Variants in PHKA2 observed in about 807,000 individuals in gnomAD.
PHKA2 encodes phosphorylase kinase regulatory subunit alpha 2, also known as phosphorylase b kinase regulatory subunit alpha, liver isoform.
In PHKA2, 31 loss-of-function variants were observed where a neutral mutation model predicts 102.0. The observed-to-expected ratio is 0.30, with a 90% CI of 0.23 to 0.41. The LOEUF (loss-of-function observed/expected upper bound fraction) is 0.41. PHKA2 is among the 10% of genes least tolerant of loss of function. PHKA2 has a pLI of 1.00. For missense variants in PHKA2, 858 were observed against 1,023.1 expected, an observed-to-expected ratio of 0.84 and a Z score of 2.20; for synonymous variants, 455 against 416.2, an observed-to-expected ratio of 1.09 and a Z score of -1.13.
At chrX:18,979,307 A>G (rs186989537) in intron 1 of PHKA2, among the ~76,000 whole-genome samples, 18 of 110,777 alleles carry the variant, frequency 1.6e-4, no homozygotes, top group Non-Finnish European at 3.4e-4. Context: ...TATTTATTCC[A>G]TTCTTCTCAT....
chrX:18,948,809 T>C lies in PHKA2; in HGVS notation c.472A>G (p.Thr158Ala), dbSNP rs142034171. Residue 158 changes from threonine to alanine, a missense_variant, in exon 5 of 33, where the codon ACT becomes GCT. Thr to Ala is a moderately conservative substitution (Grantham distance 58). Around this residue, in one of 2 missense-constraint regions of PHKA2, gnomAD observed 187 missense variants for 277.9 expected, o/e 0.67. Transcript: ENST00000379942. ...TGTATGAAGGCCACCTCATCGAGAG[T>C]GAAAATGATACGTAAGCCTAGCAAA... ...MTASGLRIIF[T>A]LDEVAFIQNL... 476 of 1,182,848 alleles carry C rather than the reference T, an allele frequency of 4.0e-4. 1 individual carries two copies. The African/African-American group carries it at 7.6e-3, about 19-fold the overall frequency.
At chrX:18,963,066 TG>T (rs1165777494) in intron 1 of PHKA2, among the ~76,000 whole-genome samples, 2 of 112,858 alleles carry the variant, frequency 1.8e-5, no homozygotes, top group Non-Finnish European at 3.7e-5. Flanking sequence ...GGTGTCCCCT[TG>T]GGCCCTTCGT....
chrX:18,905,890 A>C, intron 25 of PHKA2, 31 bp from the exon 26 acceptor site: 2 of 1,047,190 alleles, frequency 1.9e-6, no homozygotes, highest in Non-Finnish European at 2.7e-6. Flanking sequence ...AGTGTCCCAA[A>C]CACAGGGCTG....
chrX:18,894,239 C>T lies in PHKA2; in HGVS notation c.3502G>A (p.Val1168Met), dbSNP rs778628385. The change falls in exon 32 of 33, where the codon GTG (valine) becomes ATG (methionine). Residue 1168 changes from valine (V) to methionine (M), a missense_variant. Transcript: ENST00000379942. ...AAGAACAGCTGACTGGCCATCTGCA[C>T]GATCTGGTCCACGTGGATGATGCCC... ...IGGIIHVDQIVQMASQLFLQD... is the reference protein window; with the variant it reads ...IGGIIHVDQIMQMASQLFLQD... 1.3e-5 allele frequency: 16 copies of T among 1,210,534 alleles called. No homozygotes were observed. The highest frequency in any genetic ancestry group is 7.0e-5 in the South Asian group (4 of 56,855).
intron 8 of PHKA2, among the ~76,000 whole-genome samples, chrX:18,940,488 T>C (rs1157560219): frequency 9.0e-6 from 1 of 111,642 alleles, no homozygotes; most frequent in Non-Finnish European, 1.9e-5. Context: ...GGCTCTAAGG[T>C]CAGATGCACC....
chrX:18,928,261 A>C (rs983936836), intron 13 of PHKA2, among the ~76,000 whole-genome samples: 1 of 111,155 alleles, frequency 9.0e-6, no homozygotes, highest in South Asian at 3.8e-4. Context: ...CATCATCTCA[A>C]ACTTTACCTA....
At chrX:18,950,160 C>T (rs765286857) in intron 4 of PHKA2, among the ~76,000 whole-genome samples, 2 of 111,953 alleles carry the variant, frequency 1.8e-5, no homozygotes, top group East Asian at 2.8e-4. Context: ...CAAGGCACAC[C>T]GCCGACAAAC....
At position 18,894,229 on chromosome X, in the gene PHKA2, G is replaced by A; in HGVS notation, c.3512C>T (p.Ala1171Val). 8.3e-7 allele frequency: 1 copy of A among 1,211,354 alleles called. No individual in the cohort carries two copies. The highest frequency in any genetic ancestry group is 1.1e-6 in the Non-Finnish European group (1 of 895,111). ...IIHVDQIVQM[A>V]SQLFLQDQVS... The stretch of plus-strand genomic sequence containing the variant: ...CTGGTCCTGCAAGAACAGCTGACTG[G>A]CCATCTGCACGATCTGGTCCACGTG... The change falls in exon 32 of 33, where the codon GCC becomes GTC. Residue 1171 changes from alanine (A) to valine (V), a missense_variant. Ala to Val is a moderately conservative substitution (Grantham distance 64). This residue lies in a region of PHKA2 where 671 missense variants were observed against 745.2 expected (regional missense o/e 0.90). Coordinates refer to ENST00000379942, the MANE Select transcript of PHKA2 (RefSeq NM_000292.3).
At chrX:18,902,284 C>T (rs779752436) in intron 26 of PHKA2, among the ~76,000 whole-genome samples, 62 of 109,201 alleles carry the variant, frequency 5.7e-4, no homozygotes, top group African/African-American at 1.3e-3. Flanking sequence ...CACAGGTGTG[C>T]GCCACCATAC....
At chrX:18,897,756 C>A (rs751051067) in intron 29 of PHKA2, 2 of 157,381 alleles carry the variant, frequency 1.3e-5, no homozygotes, top group African/African-American at 6.0e-5. Context: ...GGGACACAGT[C>A]AGGCATCCTA....
At chrX:18,907,420 G>A (rs184917634) in intron 22 of PHKA2, among the ~76,000 whole-genome samples, 33 of 112,340 alleles carry the variant, frequency 2.9e-4, no homozygotes, top group African/African-American at 9.7e-4. Context: ...GGATGAGTCC[G>A]AAGATACCGA....
At position 18,901,540 on chromosome X, in the gene PHKA2, C is replaced by G. The variant is rs761088614; in HGVS notation, c.2972G>C (p.Gly991Ala). The G allele has an allele frequency of 8.0e-5, 96 of 1,207,457 alleles. 1 individual carries two copies. In the East Asian group the frequency reaches 2.8e-3, roughly 35 times the overall value. ...GCCACTCCTCTCAGTTTTGGTGACT[C>G]CGGTATGGCCCACCTCGTGGATGGA... Reference protein sequence around the residue: ...TISIHEVGHTGVTKTERSGIN... With the variant: ...TISIHEVGHTAVTKTERSGIN... The change falls in exon 27 of 33, where the codon GGA (glycine) becomes GCA (alanine). Residue 991 changes from glycine to alanine, a missense_variant. Gly to Ala is a moderately conservative substitution (Grantham distance 60). This residue lies in a region of PHKA2 where 671 missense variants were observed against 745.2 expected (regional missense o/e 0.90). Transcript: ENST00000379942.
chrX:18,915,499 G>GTAC (rs1331694086), intron 19 of PHKA2: 1 of 106,927 alleles, frequency 9.4e-6, no homozygotes, highest in African/African-American at 3.4e-5. Context: ...AGCCTCCCAA[G>GTAC]TACCTGGGAT....
Position 18,897,418 on chromosome X carries a change from A to G in PHKA2, c.3112-85T>C, listed in dbSNP as rs1444092289. 4 of 917,861 alleles carry G rather than the reference A, an allele frequency of 4.4e-6. No homozygotes were observed. In the South Asian group the frequency reaches 6.9e-5, roughly 16 times the overall value. The allele number at this position is 917,861 out of a possible 1,213,427, so 75.6% of individuals were successfully genotyped here. A position where few individuals can be genotyped will look rare whatever the true frequency, so the allele number is the denominator to read the frequency against. On this transcript the variant is annotated intron_variant, in intron 29 of 32. Transcript: ENST00000379942. ...CGCCATCTCGAAGGGCGGCCCTGCGACCTAGGCACAAATGCCAGAACACCA... is the reference window on the plus strand; with the variant it reads ...CGCCATCTCGAAGGGCGGCCCTGCGGCCTAGGCACAAATGCCAGAACACCA...
At position 18,897,239 on chromosome X, in the gene PHKA2, C is replaced by A. The variant is rs779456044; in HGVS notation, c.3206G>T (p.Arg1069Leu). The change falls in exon 30 of 33, where the codon CGC (arginine) becomes CTC (leucine). Residue 1069 changes from arginine to leucine, a missense_variant. Around this residue, in one of 2 missense-constraint regions of PHKA2, gnomAD observed 671 missense variants for 745.2 expected, o/e 0.90. Transcript: ENST00000379942. ...GATGGCCCCATCCAGCCTTCTCCTGCGCAGCCACTGGCCCTGCCGCTCACC... is the reference window on the plus strand; with the variant it reads ...GATGGCCCCATCCAGCCTTCTCCTGAGCAGCCACTGGCCCTGCCGCTCACC... ...GWGERQGQWL[R>L]RRRLDGAINR... 1 of 1,210,647 alleles carries A rather than the reference C, an allele frequency of 8.3e-7. No individual in the cohort carries two copies. Among genetic ancestry groups the A allele is most frequent in the East Asian group, 3.0e-5 (1 of 33,826 alleles).
chrX:18,918,347 A>G (rs1015287736), intron 19 of PHKA2, among the ~76,000 whole-genome samples: 3 of 112,726 alleles, frequency 2.7e-5, no homozygotes, highest in Non-Finnish European at 5.6e-5. Flanking sequence ...TACTGATTTA[A>G]CTAAACTTTA....
intron 1 of PHKA2, among the ~76,000 whole-genome samples, chrX:18,976,542 A>T (rs759628614): frequency 8.9e-5 from 10 of 111,878 alleles, no homozygotes; most frequent in African/African-American, 3.2e-4. Flanking sequence ...AATACTACAT[A>T]CAATAAAATA....
intron 26 of PHKA2, among the ~76,000 whole-genome samples, chrX:18,903,809 AG>A (rs2047748432): frequency 8.9e-6 from 1 of 112,124 alleles, no homozygotes; most frequent in Admixed American, 9.4e-5. Flanking sequence ...CTGTGGTAAC[AG>A]CAATCATTCT....
chrX:18,972,076 CTATTT>C (rs1032819373), intron 1 of PHKA2, among the ~76,000 whole-genome samples: 2 of 112,548 alleles, frequency 1.8e-5, no homozygotes, highest in African/African-American at 6.5e-5. Flanking sequence ...TAAAAGTGTT[CTATTT>C]TAAGTTTTAT....
Sources: gnomAD v4.1 joint callset for allele counts (sites outside exome capture counted in the v4.1 genomes callset) on GRCh38, gnomAD v4.1.1 for gene constraint, gnomAD v4.1.1 regional missense constraint, MANE v1.5 for transcripts, NCBI Gene and HGNC (gene_info 2026-07-23, HGNC 2026-07-21) for gene names.